The following TMOD1 variants were observed in gnomAD, a reference collection of about 807,000 sequenced individuals.
TMOD1 encodes the protein tropomodulin 1, also known as tropomodulin-1.
TMOD1 carries 17 observed loss-of-function variants against 40.6 expected under a neutral mutation model. That is an observed-to-expected ratio of 0.42 (90% CI 0.29 to 0.63). The LOEUF is 0.63. Among genes scored for constraint, TMOD1 ranks in the 20% least tolerant of loss-of-function variants. The pLI is 0.22. For missense variants in TMOD1, 391 were observed against 447.6 expected, an observed-to-expected ratio of 0.87 and a Z score of 1.14; for synonymous variants, 181 against 175.0, an observed-to-expected ratio of 1.03 and a Z score of -0.27.
intron 9 of TMOD1, among the ~76,000 whole-genome samples, chr9:97,591,656 A>G (rs990647381): frequency 7.2e-5 from 11 of 152,174 alleles, no homozygotes; most frequent in African/African-American, 2.7e-4. Flanking sequence ...TCTCCTCCTC[A>G]AAGCACAGCT....
At chr9:97,572,238 C>A (rs1830829785) in intron 8 of TMOD1, among the ~76,000 whole-genome samples, 1 of 152,104 alleles carries the variant, frequency 6.6e-6, no homozygotes, top group African/African-American at 2.4e-5. Flanking sequence ...GTGGGGAAAG[C>A]CATGGAGCCC....
chr9:97,599,744 G>C lies in TMOD1; in HGVS notation c.*46G>C, dbSNP rs757667440. The C allele has an allele frequency of 2.5e-6, 4 of 1,613,578 alleles. No homozygotes were observed. The Admixed American group carries it at 6.7e-5, about 27-fold the overall frequency. On this transcript the variant is annotated 3_prime_UTR_variant, in exon 10 of 10. Coordinates refer to ENST00000259365, the MANE Select transcript of TMOD1 (RefSeq NM_003275.4). The stretch of plus-strand genomic sequence containing the variant: ...GCCTTTGAACTGGATGTGTTCTATT[G>C]ATGACCTGTGCTCTGCAGGGGAAAC...
chr9:97,600,028 T>C lies in TMOD1; in HGVS notation c.*330T>C. The C allele has an allele frequency of 9.0e-7, 1 of 1,107,228 alleles. No individual in the cohort carries two copies. The highest frequency in any genetic ancestry group is 1.1e-6 in the Non-Finnish European group (1 of 901,810). The allele number at this position is 1,107,228 out of a possible 1,614,324, so 68.6% of individuals were successfully genotyped here. On this transcript the variant is annotated 3_prime_UTR_variant, in exon 10 of 10. Transcript: ENST00000259365. ...CAGTTTCAATGGCCTTGCTGTGTGG[T>C]GTTTCAAGTGCATTTAAAATGTGTG... is the stretch of plus-strand genomic sequence containing the variant.
intron 8 of TMOD1, among the ~76,000 whole-genome samples, chr9:97,576,831 G>A (rs191363468): frequency 4.0e-5 from 6 of 151,846 alleles, no homozygotes; most frequent in East Asian, 3.9e-4. Flanking sequence ...AGTAGAGACC[G>A]GGTTTCACCA....
At chr9:97,501,865 G>A (rs1418039233) in intron 1 of TMOD1, 62 bp downstream of exon 1, 1 of 152,532 alleles carries the variant, frequency 6.6e-6, no homozygotes, top group African/African-American at 2.4e-5. Flanking sequence ...CCCCGCTCCG[G>A]GGCCTCAGCC....
At chr9:97,505,558 G>C (rs1225412972) in intron 1 of TMOD1, among the ~76,000 whole-genome samples, 1 of 152,116 alleles carries the variant, frequency 6.6e-6, no homozygotes, top group Non-Finnish European at 1.5e-5. Context: ...GCTGCCCATC[G>C]CTTTGCTGTT....
At chr9:97,536,309 C>T (rs1346701786) in intron 2 of TMOD1, among the ~76,000 whole-genome samples, 2 of 152,076 alleles carry the variant, frequency 1.3e-5, no homozygotes, top group African/African-American at 4.8e-5. Context: ...GAGTTGCTGG[C>T]CTGTGATAGG....
intron 8 of TMOD1, among the ~76,000 whole-genome samples, chr9:97,583,886 C>T (rs1258159506): frequency 1.2e-4 from 18 of 149,846 alleles, no homozygotes; most frequent in African/African-American, 4.2e-4. Flanking sequence ...TTTGATTCTT[C>T]TCTCTTTTTT....
chr9:97,564,796 A>G (rs1830701617), intron 6 of TMOD1, among the ~76,000 whole-genome samples: 1 of 151,992 alleles, frequency 6.6e-6, no homozygotes, highest in African/African-American at 2.4e-5. Flanking sequence ...GGAAGAATTC[A>G]GAGACAAATG....
Position 97,600,438 on chromosome 9 carries a change from T to C in TMOD1, c.*740T>C, listed in dbSNP as rs554943467. ...CATTTGGGATTTATGTACAATTTAA[T>C]ACTGGAGTTAGAACTTTTTCCTTAT... On this transcript the variant is annotated 3_prime_UTR_variant, in exon 10 of 10. Transcript: ENST00000259365. The C allele has an allele frequency of 1.4e-5, 14 of 985,698 alleles. No homozygotes were observed. Among genetic ancestry groups the C allele is most frequent in the African/African-American group, 1.7e-5 (1 of 57,370 alleles). 61.1% of individuals were successfully genotyped at this position (985,698 alleles called of 1,614,324 possible). A position where few individuals can be genotyped will look rare whatever the true frequency, so the allele number is the denominator to read the frequency against.
intron 8 of TMOD1, 141 bp downstream of exon 8, chr9:97,569,178 A>G (rs1830780208): frequency 2.9e-6 from 3 of 1,025,118 alleles, no homozygotes; most frequent in South Asian, 3.4e-5. Flanking sequence ...CAAGGTCCCT[A>G]AAGTTCACAC....
At chr9:97,514,028 A>G (rs10759744) in intron 1 of TMOD1, 88,089 of 152,136 alleles carry the variant, frequency 0.58, 25,637 homozygotes, top group Middle Eastern at 0.64. Flanking sequence ...TCAGAGGGAC[A>G]CTGTGCTTGG....
At chr9:97,554,062 T>C (rs1244552502) in intron 4 of TMOD1, among the ~76,000 whole-genome samples, 8 of 152,290 alleles carry the variant, frequency 5.3e-5, no homozygotes, top group Admixed American at 4.6e-4. Flanking sequence ...GGTCAGGCTC[T>C]GGCCACATCC....
chr9:97,543,478 A>G (rs1477872468), intron 2 of TMOD1, among the ~76,000 whole-genome samples: 2 of 152,342 alleles, frequency 1.3e-5, no homozygotes, highest in Admixed American at 6.5e-5. Flanking sequence ...TGCTGAGCAC[A>G]TTTTCTGCAT....
At chr9:97,586,266 G>A (rs1039884823) in intron 8 of TMOD1, among the ~76,000 whole-genome samples, 1 of 152,246 alleles carries the variant, frequency 6.6e-6, no homozygotes, top group Non-Finnish European at 1.5e-5. Context: ...ACCCTGCTGT[G>A]TGACGTGTCA....
At chr9:97,555,122 T>C (rs950689187) in intron 4 of TMOD1, among the ~76,000 whole-genome samples, 1 of 152,168 alleles carries the variant, frequency 6.6e-6, no homozygotes, top group African/African-American at 2.4e-5. Flanking sequence ...GCTGGGAAGG[T>C]AGCACTTAAC....
chr9:97,538,927 C>T lies in TMOD1; in HGVS notation c.121-7258C>T, dbSNP rs182843887. On this transcript the variant is annotated intron_variant, in intron 2 of 9. Transcript: ENST00000259365. Reference sequence around the variant, plus strand: ...GGCTGAGGCAGGAGAATCACTTGAACCTGGGAGGTGGAGGTTGCAGTGAGC... The same window carrying T: ...GGCTGAGGCAGGAGAATCACTTGAATCTGGGAGGTGGAGGTTGCAGTGAGC... Among the ~76,000 whole-genome samples the T allele has an allele frequency of 3.8e-3, 579 of 152,182 alleles. 2 individuals are homozygous for T. Among genetic ancestry groups the T allele is most frequent in the African/African-American group, 0.013 (539 of 41,518 alleles).
chr9:97,548,219 C>A (rs7852462), intron 3 of TMOD1, among the ~76,000 whole-genome samples: 11 of 151,944 alleles, frequency 7.2e-5, no homozygotes, highest in Non-Finnish European at 1.3e-4. Flanking sequence ...GTGGCTGGCT[C>A]CCCTGTATCG....
At chr9:97,508,627 G>T (rs553380237) in intron 1 of TMOD1, among the ~76,000 whole-genome samples, 1 of 152,304 alleles carries the variant, frequency 6.6e-6, no homozygotes, top group East Asian at 1.9e-4. Flanking sequence ...TTATGGGAAG[G>T]TGGCAGCATG....
Sources: gnomAD v4.1 joint callset for allele counts (sites outside exome capture counted in the v4.1 genomes callset) on GRCh38, gnomAD v4.1.1 for gene constraint, MANE v1.5 for transcripts, NCBI Gene and HGNC (gene_info 2026-07-23, HGNC 2026-07-21) for gene names.